CFAP299: variants seen among roughly 807,000 people sequenced by gnomAD.
CFAP299 encodes cilia and flagella associated protein 299.
A neutral mutation model predicts 27.0 loss-of-function variants in CFAP299; 21 were observed. That is an observed-to-expected ratio of 0.78 (90% CI 0.55 to 1.12). CFAP299 has a LOEUF of 1.12. CFAP299 is among the 50% of genes most tolerant of loss of function. The probability of loss-of-function intolerance (pLI) is 0.00; values close to 1 mark genes in which losing one functional copy is unlikely to be tolerated. For missense variants in CFAP299, 310 were observed against 276.6 expected, an observed-to-expected ratio of 1.12 and a Z score of -0.86; for synonymous variants, 104 against 98.1, an observed-to-expected ratio of 1.06 and a Z score of -0.36.
At chr4:80,412,759 GACAC>G (rs138817066) in intron 2 of CFAP299, among the ~76,000 whole-genome samples, 1 of 151,962 alleles carries the variant, frequency 6.6e-6, no homozygotes. Context: ...ATGATGCCTT[GACAC>G]ACACACACAT....
chr4:80,617,400 C>A (rs1738346273), intron 3 of CFAP299, among the ~76,000 whole-genome samples: 1 of 152,138 alleles, frequency 6.6e-6, no homozygotes, highest in South Asian at 2.1e-4. Context: ...TGAGATGCCC[C>A]TATACCCTGC....
chr4:80,832,624 G>A (rs754854356), intron 3 of CFAP299, among the ~76,000 whole-genome samples: 1 of 152,006 alleles, frequency 6.6e-6, no homozygotes, highest in Admixed American at 6.6e-5. Flanking sequence ...TTTAAGGTTG[G>A]TTATTTTAGT....
At chr4:80,394,920 TACCAC>T (rs1725697014) in intron 2 of CFAP299, among the ~76,000 whole-genome samples, 1 of 152,150 alleles carries the variant, frequency 6.6e-6, no homozygotes, top group Non-Finnish European at 1.5e-5. Context: ...TCTTTTGTGA[TACCAC>T]AAAACTTTAC....
At chr4:80,365,652 A>G (rs1446707920) in intron 2 of CFAP299, among the ~76,000 whole-genome samples, 1 of 152,222 alleles carries the variant, frequency 6.6e-6, no homozygotes, top group Non-Finnish European at 1.5e-5. Context: ...TCTTATGTAA[A>G]ACATCAGGGA....
intron 3 of CFAP299, among the ~76,000 whole-genome samples, chr4:80,844,171 G>A (rs1252399459): frequency 6.6e-6 from 1 of 152,060 alleles, no homozygotes; most frequent in Non-Finnish European, 1.5e-5. Context: ...CATTTGGGTT[G>A]GTTCCAAGTC....
At chr4:80,655,278 A>G (rs923423823) in intron 3 of CFAP299, among the ~76,000 whole-genome samples, 2 of 152,172 alleles carry the variant, frequency 1.3e-5, no homozygotes, top group Non-Finnish European at 2.9e-5. Context: ...AATCTCTCTA[A>G]CATTATGACA....
chr4:80,423,696 T>C (rs1560560855), intron 2 of CFAP299, among the ~76,000 whole-genome samples: 3 of 152,192 alleles, frequency 2.0e-5, no homozygotes, highest in Non-Finnish European at 2.9e-5. Context: ...CGAGCAGATC[T>C]CTCCTCTGAC....
intron 3 of CFAP299, among the ~76,000 whole-genome samples, chr4:80,588,170 C>G (rs1736543695): frequency 6.6e-6 from 1 of 151,106 alleles, no homozygotes; most frequent in Non-Finnish European, 1.5e-5. Context: ...CTCTCTCCAT[C>G]AATTAATCAT....
At chr4:80,917,668 CATGGCACA>C (rs1450323818) in intron 4 of CFAP299, among the ~76,000 whole-genome samples, 1 of 152,086 alleles carries the variant, frequency 6.6e-6, no homozygotes, top group East Asian at 1.9e-4. Flanking sequence ...ATTTCCTTTC[CATGGCACA>C]TTTCCCAAAG....
chr4:80,374,188 T>C (rs1724289796), intron 2 of CFAP299, among the ~76,000 whole-genome samples: 1 of 152,206 alleles, frequency 6.6e-6, no homozygotes, highest in Non-Finnish European at 1.5e-5. Flanking sequence ...AAACTCTGAC[T>C]TATTTAGTCT....
At chr4:80,720,487 T>C (rs1054122539) in intron 3 of CFAP299, among the ~76,000 whole-genome samples, 23 of 152,116 alleles carry the variant, frequency 1.5e-4, no homozygotes, top group Non-Finnish European at 1.9e-4. Context: ...TAGGATTAAT[T>C]ATAAGTAATT....
intron 3 of CFAP299, among the ~76,000 whole-genome samples, chr4:80,765,080 TATAATA>T (rs377457062): frequency 7.3e-5 from 11 of 151,660 alleles, no homozygotes; most frequent in Non-Finnish European, 1.0e-4. Flanking sequence ...TCCCAGAACT[TATAATA>T]ATAATAATAA....
At chr4:80,916,292 TATA>T (rs1560475570) in intron 4 of CFAP299, among the ~76,000 whole-genome samples, 7 of 129,172 alleles carry the variant, frequency 5.4e-5, no homozygotes, top group African/African-American at 2.0e-4. Context: ...TATATATATA[TATA>T]TTTCAGGTAC....
At chr4:80,546,313 G>A (rs1734225469) in intron 2 of CFAP299, among the ~76,000 whole-genome samples, 1 of 152,090 alleles carries the variant, frequency 6.6e-6, no homozygotes, top group Non-Finnish European at 1.5e-5. Context: ...AAAATCAGTA[G>A]CATTGCTATA....
At chr4:80,929,313 T>C (rs1244120621) in intron 4 of CFAP299, among the ~76,000 whole-genome samples, 2 of 149,534 alleles carry the variant, frequency 1.3e-5, no homozygotes, top group African/African-American at 5.1e-5. Context: ...TATGGCACCA[T>C]TATCCCTCTG....
intron 4 of CFAP299, chr4:80,870,896 C>G: frequency 1.0e-6 from 1 of 984,790 alleles, no homozygotes; most frequent in Non-Finnish European, 1.2e-6. Flanking sequence ...CTTCCTTATC[C>G]ATCACCTTTT....
At chr4:80,695,292 C>A (rs1415571019) in intron 3 of CFAP299, among the ~76,000 whole-genome samples, 1 of 152,074 alleles carries the variant, frequency 6.6e-6, no homozygotes, top group Non-Finnish European at 1.5e-5. Context: ...CCAAGTAAAG[C>A]CTAGTGATTA....
At chr4:80,719,230 A>C (rs978047858) in intron 3 of CFAP299, among the ~76,000 whole-genome samples, 2 of 151,972 alleles carry the variant, frequency 1.3e-5, no homozygotes, top group Non-Finnish European at 2.9e-5. Flanking sequence ...TGTACAAAAA[A>C]CCCCCATGAC....
chr4:80,323,324 A>T, the CFAP299 span, among the ~76,000 whole-genome samples: 1 of 152,232 alleles, frequency 6.6e-6, no homozygotes, highest in Non-Finnish European at 1.5e-5. Flanking sequence ...TTCATTTCTC[A>T]CAGTTAACTT....
Sources: allele counts gnomAD v4.1 joint callset (sites outside exome capture counted in the v4.1 genomes callset), GRCh38; gene constraint gnomAD v4.1.1; transcripts MANE v1.5; gene names NCBI Gene and HGNC (gene_info 2026-07-23, HGNC 2026-07-21).